Variants in IL6ST observed in about 807,000 individuals in gnomAD.
The protein encoded by IL6ST is interleukin 6 cytokine family signal transducer.
In IL6ST, 24 loss-of-function variants were observed where a neutral mutation model predicts 91.3. That is an observed-to-expected ratio of 0.26 (90% CI 0.19 to 0.37). The LOEUF is 0.37. Ranked by LOEUF, IL6ST falls within the 10% of genes least tolerant of loss-of-function variation. The pLI, the probability that IL6ST is intolerant of heterozygous loss-of-function variation, is 1.00. For missense variants in IL6ST, 914 were observed against 1,078.5 expected, an observed-to-expected ratio of 0.85 and a Z score of 2.14; for synonymous variants, 351 against 373.6, an observed-to-expected ratio of 0.94 and a Z score of 0.70.
At chr5:55,968,523 G>A (rs1408374695) in intron 4 of IL6ST, 127 bp from the exon 5 acceptor site, 1 of 787,566 alleles carries the variant, frequency 1.3e-6, no homozygotes, top group Non-Finnish European at 2.0e-6. Flanking sequence ...AAAAAGTATG[G>A]ACACAATGAA....
intron 1 of IL6ST, among the ~76,000 whole-genome samples, chr5:55,987,218 G>A (rs1008274902): frequency 6.6e-6 from 1 of 152,084 alleles, no homozygotes; most frequent in Admixed American, 6.6e-5. Context: ...GTATAGATCC[G>A]TATTTCCATC....
intron 7 of IL6ST, among the ~76,000 whole-genome samples, chr5:55,962,565 T>C (rs1305337822): frequency 6.6e-6 from 1 of 152,182 alleles, no homozygotes; most frequent in African/African-American, 2.4e-5. Flanking sequence ...TATTTACTAA[T>C]ATTTTAGGCT....
intron 2 of IL6ST, among the ~76,000 whole-genome samples, chr5:55,976,843 T>C (rs1311190106): frequency 1.3e-5 from 2 of 152,174 alleles, no homozygotes; most frequent in African/African-American, 4.8e-5. Flanking sequence ...AAATGAGAGA[T>C]ATAAATTAGA....
chr5:55,944,211 T>C (rs577139772), intron 15 of IL6ST, among the ~76,000 whole-genome samples: 2 of 152,182 alleles, frequency 1.3e-5, no homozygotes, highest in Non-Finnish European at 2.9e-5. Context: ...ATGTACTATA[T>C]GTACTAGAGG....
intron 1 of IL6ST, among the ~76,000 whole-genome samples, chr5:55,988,532 C>T (rs561726668): frequency 5.3e-5 from 8 of 152,074 alleles, no homozygotes; most frequent in Admixed American, 3.3e-4. Flanking sequence ...TTTGGGAGGC[C>T]GAGATAGGCA....
At chr5:55,985,407 C>T (rs1753906907) in intron 1 of IL6ST, among the ~76,000 whole-genome samples, 1 of 151,400 alleles carries the variant, frequency 6.6e-6, no homozygotes. Context: ...ATCCCAGCTA[C>T]ACAGGAAGCT....
In IL6ST at chr5:55,955,218, G is replaced by A. The variant is rs62363894; in HGVS notation, c.1268-226C>T. ...CATTCCTGTAATTCCAACATTTTAC[G>A]AGGCCAAGGCAGGTGGATCACTTGA... On this transcript the variant is annotated intron_variant, in intron 10 of 16. Transcript: ENST00000381298. 4.7e-3 allele frequency among the ~76,000 whole-genome samples: 720 copies of A among 152,122 alleles called. 10 individuals carry two copies. The highest frequency in any genetic ancestry group is 7.5e-3 in the South Asian group (36 of 4,818).
At chr5:55,981,956 C>T (rs1320288291) in intron 2 of IL6ST, among the ~76,000 whole-genome samples, 1 of 152,030 alleles carries the variant, frequency 6.6e-6, no homozygotes, top group South Asian at 2.1e-4. Context: ...GGTAGTGTGC[C>T]GAAAGGAGCT....
intron 5 of IL6ST, among the ~76,000 whole-genome samples, chr5:55,966,804 A>C (rs1021484306): frequency 6.6e-6 from 1 of 152,200 alleles, no homozygotes; most frequent in Non-Finnish European, 1.5e-5. Context: ...TGGAAAAAAC[A>C]AATGGGAAAC....
In IL6ST at chr5:55,960,629, CAGA is replaced by C. The variant is rs1752253764; in HGVS notation, c.814-71_814-69del. 4.7e-6 allele frequency: 7 copies of C among 1,495,934 alleles called. No homozygotes were observed. The East Asian group carries it at 9.3e-5, about 20-fold the overall frequency. The allele number at this position is 1,495,934 out of a possible 1,614,324, so 92.7% of individuals were successfully genotyped here. ...AGGTCTTCTAAATTGTGTTAAAATT[CAGA>C]AACTTTTTTTTTTGAGGCACAGCCT... On this transcript the variant is annotated intron_variant, in intron 7 of 16. Coordinates refer to ENST00000381298, the MANE Select transcript of IL6ST (RefSeq NM_002184.4).
chr5:55,957,541 G>A (rs1411074642), intron 8 of IL6ST, among the ~76,000 whole-genome samples: 3 of 152,136 alleles, frequency 2.0e-5, no homozygotes, highest in African/African-American at 4.8e-5. Flanking sequence ...AATGTATTCT[G>A]AGCAACAACT....
Position 55,941,296 on chromosome 5 carries a change from A to C in IL6ST, c.2543T>G (p.Leu848Arg). The change falls in exon 17 of 17, where the codon CTT becomes CGT. Residue 848 changes from leucine to arginine, a missense_variant. Physicochemically the swap from Leu to Arg is moderately radical, Grantham distance 102 (BLOSUM62 -2). Coordinates refer to ENST00000381298, the MANE Select transcript of IL6ST (RefSeq NM_002184.4). The part of the protein sequence containing the change: ...SSVNEEDFVR[L>R]KQQISDHISQ... ...AATATGATCTGAAATCTGCTGTTTA[A>C]GTCTAACAAAATCTTCCTCATTGAC... is the stretch of plus-strand genomic sequence containing the variant. 6.2e-7 allele frequency: 1 copy of C among 1,614,074 alleles called. No individual in the cohort carries two copies. Among genetic ancestry groups the C allele is most frequent in the Non-Finnish European group, 8.5e-7 (1 of 1,179,970 alleles).
intron 2 of IL6ST, chr5:55,978,584 GGCGT>G (rs1753457593): frequency 6.6e-6 from 1 of 152,392 alleles, no homozygotes; most frequent in Admixed American, 6.5e-5. Context: ...AAATTAGCCA[GGCGT>G]GGTGGCGGCC....
intron 15 of IL6ST, among the ~76,000 whole-genome samples, chr5:55,943,995 T>C (rs1442976915): frequency 6.6e-6 from 1 of 152,120 alleles, no homozygotes; most frequent in Non-Finnish European, 1.5e-5. Context: ...GGAGAATTGC[T>C]TGAACCCAGA....
chr5:55,980,141 G>C (rs1182642154), intron 2 of IL6ST, among the ~76,000 whole-genome samples: 3 of 152,232 alleles, frequency 2.0e-5, no homozygotes, highest in Admixed American at 2.0e-4. Context: ...GGCTGTGACA[G>C]GGTATTTGAG....
intron 15 of IL6ST, among the ~76,000 whole-genome samples, chr5:55,947,022 G>A (rs1751304943): frequency 6.6e-6 from 1 of 151,996 alleles, no homozygotes; most frequent in African/African-American, 2.4e-5. Flanking sequence ...GGCCAACATG[G>A]TGATACCCCA....
intron 2 of IL6ST, among the ~76,000 whole-genome samples, chr5:55,980,199 C>T (rs541020143): frequency 6.6e-6 from 1 of 152,128 alleles, no homozygotes; most frequent in East Asian, 1.9e-4. Context: ...TGCAGCCTTG[C>T]AATGTTGACC....
intron 1 of IL6ST, among the ~76,000 whole-genome samples, chr5:55,989,914 A>T (rs1226227207): frequency 6.6e-6 from 1 of 152,076 alleles, no homozygotes. Context: ...AACCAGAGCT[A>T]TGCTATCTGA....
At chr5:55,985,146 TAGG>T (rs1753884817) in intron 1 of IL6ST, among the ~76,000 whole-genome samples, 1 of 152,236 alleles carries the variant, frequency 6.6e-6, no homozygotes, top group African/African-American at 2.4e-5. Flanking sequence ...TTTTGACGAA[TAGG>T]AGGTTTAATT....
Sources: gnomAD v4.1 joint callset for allele counts (sites outside exome capture counted in the v4.1 genomes callset) on GRCh38, gnomAD v4.1.1 for gene constraint, MANE v1.5 for transcripts, NCBI Gene and HGNC (gene_info 2026-07-23, HGNC 2026-07-21) for gene names.